PARD3B: variants seen among roughly 807,000 people sequenced by gnomAD.
PARD3B encodes partitioning defective 3 homolog B.
A neutral mutation model predicts 130.2 loss-of-function variants in PARD3B; 103 were observed. The ratio of observed to expected loss-of-function variants is 0.79; its 90% CI spans 0.67 to 0.93. PARD3B has a LOEUF of 0.93. Ranked by LOEUF, PARD3B falls within the 40% of genes least tolerant of loss-of-function variation. The pLI, the probability that PARD3B is intolerant of heterozygous loss-of-function variation, is 0.00. For missense variants in PARD3B, 1,609 were observed against 1,499.2 expected, an observed-to-expected ratio of 1.07 and a Z score of -1.21; for synonymous variants, 583 against 553.2, an observed-to-expected ratio of 1.05 and a Z score of -0.76.
chr2:205,536,236 G>C (rs2051851051), intron 21 of PARD3B, among the ~76,000 whole-genome samples: 1 of 143,400 alleles, frequency 7.0e-6, no homozygotes, highest in African/African-American at 2.5e-5. Flanking sequence ...TATTGGAAAT[G>C]ATGGAGGCTG....
At chr2:205,339,491 G>C (rs2043437869) in intron 18 of PARD3B, among the ~76,000 whole-genome samples, 1 of 152,192 alleles carries the variant, frequency 6.6e-6, no homozygotes, top group Non-Finnish European at 1.5e-5. Context: ...AATTATCTGA[G>C]AACCCACCTC....
At chr2:204,895,290 A>C (rs1052410345) in intron 2 of PARD3B, among the ~76,000 whole-genome samples, 6 of 152,094 alleles carry the variant, frequency 3.9e-5, no homozygotes, top group Non-Finnish European at 1.5e-5. Flanking sequence ...GTGTTTTGCA[A>C]TTTTAAACCA....
chr2:205,321,655 A>G lies in PARD3B; in HGVS notation c.2630+19954A>G, dbSNP rs186389559. ...TTTATTATACTTTTGAGATAAGTCA[A>G]GAGTTGGCCTCAAGTAAACCTCAAA... On this transcript the variant is annotated intron_variant, in intron 18 of 22. Transcript: ENST00000406610. The surrounding 1 kb of genome is among the most constrained non-coding windows in gnomAD (Gnocchi z 4.2). Among the ~76,000 whole-genome samples, 3 of 152,360 alleles carry G rather than the reference A, an allele frequency of 2.0e-5. No individual in the cohort carries two copies. Among genetic ancestry groups the G allele is most frequent in the Admixed American group, 2.0e-4 (3 of 15,298 alleles).
At chr2:204,789,952 G>T (rs1352799664) in intron 2 of PARD3B, among the ~76,000 whole-genome samples, 1 of 150,998 alleles carries the variant, frequency 6.6e-6, no homozygotes, top group African/African-American at 2.4e-5. Context: ...CTCACTGCAA[G>T]CTCCACCTCC....
At chr2:204,563,225 C>G (rs1178622686) in intron 1 of PARD3B, among the ~76,000 whole-genome samples, 13 of 106,364 alleles carry the variant, frequency 1.2e-4, no homozygotes, top group African/African-American at 5.8e-4. Flanking sequence ...CTGTCTCTCT[C>G]TCTCTCTCTC....
At chr2:205,319,597 A>T (rs1371086092) in intron 18 of PARD3B, among the ~76,000 whole-genome samples, 1 of 151,954 alleles carries the variant, frequency 6.6e-6, no homozygotes, top group African/African-American at 2.4e-5. Context: ...CTTTTGTGTG[A>T]TTTTCCTCGC....
intron 22 of PARD3B, among the ~76,000 whole-genome samples, chr2:205,599,905 T>C (rs1410427597): frequency 1.3e-5 from 2 of 152,222 alleles, no homozygotes; most frequent in Non-Finnish European, 2.9e-5. Context: ...AGGCCCAGTT[T>C]GGGCTGGTCC....
Position 205,036,123 on chromosome 2 carries a change from C to G in PARD3B, c.395-11458C>G, listed in dbSNP as rs1001769136. On this transcript the variant is annotated intron_variant, in intron 3 of 22. Coordinates refer to ENST00000406610, the MANE Select transcript of PARD3B (RefSeq NM_001302769.2). ...TGCATGTTCAACCAGTTTCATTATA[C>G]AGAGGTACATATATATTATATATAT... is the stretch of plus-strand genomic sequence containing the variant. Among the ~76,000 whole-genome samples, 17 of 145,092 alleles carry G rather than the reference C, an allele frequency of 1.2e-4. No individual in the cohort carries two copies. The South Asian group carries it at 3.6e-3, about 31-fold the overall frequency.
At chr2:204,895,958 A>T (rs1226180470) in intron 2 of PARD3B, among the ~76,000 whole-genome samples, 1 of 152,244 alleles carries the variant, frequency 6.6e-6, no homozygotes, top group Admixed American at 6.5e-5. Context: ...AGTACTATTG[A>T]TTTAGCTGTA....
At chr2:204,568,527 G>T (rs2031810282) in intron 1 of PARD3B, among the ~76,000 whole-genome samples, 1 of 152,170 alleles carries the variant, frequency 6.6e-6, no homozygotes, top group Non-Finnish European at 1.5e-5. Context: ...ATCATTTAAG[G>T]AGGGTGTATG....
At chr2:204,732,033 G>A (rs1574840097) in intron 2 of PARD3B, among the ~76,000 whole-genome samples, 1 of 151,192 alleles carries the variant, frequency 6.6e-6, no homozygotes, top group Non-Finnish European at 1.5e-5. Flanking sequence ...GTTTGTCTAC[G>A]AATTTAGCCA....
intron 18 of PARD3B, among the ~76,000 whole-genome samples, chr2:205,316,775 A>G (rs1025261477): frequency 6.6e-6 from 1 of 152,084 alleles, no homozygotes; most frequent in Non-Finnish European, 1.5e-5. Flanking sequence ...CCTCTTTCCA[A>G]CAGCATTTCT....
At chr2:204,926,622 C>A (rs1011925449) in intron 2 of PARD3B, among the ~76,000 whole-genome samples, 1 of 152,178 alleles carries the variant, frequency 6.6e-6, no homozygotes, top group African/African-American at 2.4e-5. Context: ...AGCATTTTAC[C>A]CTTATTATTT....
At chr2:204,614,821 G>A (rs879467283) in intron 1 of PARD3B, among the ~76,000 whole-genome samples, 1 of 152,110 alleles carries the variant, frequency 6.6e-6, no homozygotes, top group Admixed American at 6.6e-5. Flanking sequence ...ATGATTGGAA[G>A]CTTCCTGAGG....
At chr2:205,038,125 C>G (rs981397059) in intron 3 of PARD3B, among the ~76,000 whole-genome samples, 1 of 152,068 alleles carries the variant, frequency 6.6e-6, no homozygotes, top group Non-Finnish European at 1.5e-5. Flanking sequence ...GTCTGTTTGG[C>G]ATATACACCT....
At chr2:205,080,450 C>G (rs1701334655) in intron 4 of PARD3B, among the ~76,000 whole-genome samples, 1 of 152,086 alleles carries the variant, frequency 6.6e-6, no homozygotes, top group Non-Finnish European at 1.5e-5. Context: ...ATATTTCTTA[C>G]TCCTTGATAT....
At chr2:205,285,240 C>G (rs1000024661) in intron 16 of PARD3B, among the ~76,000 whole-genome samples, 3 of 152,000 alleles carry the variant, frequency 2.0e-5, no homozygotes, top group African/African-American at 7.2e-5. Context: ...AAGCATTTGG[C>G]ACAGAGACTG....
intron 11 of PARD3B, among the ~76,000 whole-genome samples, chr2:205,169,495 T>C (rs1254775387): frequency 6.6e-6 from 1 of 152,244 alleles, no homozygotes; most frequent in Admixed American, 6.5e-5. Context: ...TTGTCTGTTA[T>C]CTACCTCTTC....
At chr2:204,715,922 G>C (rs1384903929) in intron 2 of PARD3B, among the ~76,000 whole-genome samples, 1 of 152,034 alleles carries the variant, frequency 6.6e-6, no homozygotes, top group Non-Finnish European at 1.5e-5. Context: ...TCCTCAGTTT[G>C]AACTGTCACT....
Sources: allele counts gnomAD v4.1 joint callset (sites outside exome capture counted in the v4.1 genomes callset), GRCh38; gene constraint gnomAD v4.1.1; non-coding constraint Gnocchi (gnomAD v3.1); transcripts MANE v1.5; gene names NCBI Gene and HGNC (gene_info 2026-07-23, HGNC 2026-07-21).